The following PRRC2B variants were observed in gnomAD, a reference collection of about 807,000 sequenced individuals.
PRRC2B encodes the protein proline rich coiled-coil 2B.
PRRC2B carries 68 observed loss-of-function variants against 242.3 expected under a neutral mutation model. That is an observed-to-expected ratio of 0.28 (90% confidence interval 0.23 to 0.34). The LOEUF is 0.34. PRRC2B is among the 10% of genes least tolerant of loss of function. The pLI, the probability that PRRC2B is intolerant of heterozygous loss-of-function variation, is 1.00. For synonymous variants in PRRC2B, 1,228 were observed against 1,173.6 expected, an observed-to-expected ratio of 1.05 and a Z score of -0.95; for missense variants, 2,835 against 2,954.8, an observed-to-expected ratio of 0.96 and a Z score of 0.94.
upstream of PRRC2B, among the ~76,000 whole-genome samples, chr9:131,393,869 G>A (rs1836954984): frequency 6.9e-6 from 1 of 145,108 alleles, no homozygotes; most frequent in Non-Finnish European, 1.5e-5. Context: ...CCCACTCCCA[G>A]CCCCCTCCCA....
In PRRC2B at chr9:131,494,154, C is replaced by T. The variant is rs991440031; in HGVS notation, c.6474-251C>T. 1.3e-5 allele frequency among the ~76,000 whole-genome samples: 2 copies of T among 152,274 alleles called. No homozygotes were observed. Among genetic ancestry groups the T allele is most frequent in the Admixed American group, 1.3e-4 (2 of 15,308 alleles). ...ACAGGGCCTCAGCCTCCCTCTCTTGCGGTGCGTCTCCTTGAGCTCTGTCCT... is the reference window on the plus strand; with the variant it reads ...ACAGGGCCTCAGCCTCCCTCTCTTGTGGTGCGTCTCCTTGAGCTCTGTCCT... On this transcript the variant is annotated intron_variant, in intron 30 of 31. Transcript: ENST00000683519. This position sits in a 1 kb window ranked among gnomAD's most constrained non-coding sequence, Gnocchi z 4.3.
rs751272808 is a variant in PRRC2B, at chr9:131,475,813, G to T, written c.3684G>T (p.Gln1228His). The change falls in exon 16 of 32, where the codon CAG becomes CAT. Residue 1228 changes from glutamine (Q) to histidine (H), a missense_variant. By Grantham distance (24) the Gln-to-His change is conservative (BLOSUM62 0). This residue lies in a region of PRRC2B where 1,536 missense variants were observed against 1,483.1 expected (regional missense o/e 1.04). Transcript: ENST00000683519. ...TCTCCAAAGAGTCACCCCACTGGCAGAGCAAAAGTCCAGGCAGCTCTTGGC... is the reference window on the plus strand; with the variant it reads ...TCTCCAAAGAGTCACCCCACTGGCATAGCAAAAGTCCAGGCAGCTCTTGGC... Reference protein sequence around the residue: ...TFVSKESPHWQSKSPGSSWQE... With the variant: ...TFVSKESPHWHSKSPGSSWQE... 6.2e-7 allele frequency: 1 copy of T among 1,612,674 alleles called. No homozygotes were observed. The highest frequency in any genetic ancestry group is 2.2e-5 in the East Asian group (1 of 44,826).
intron 1 of PRRC2B, among the ~76,000 whole-genome samples, chr9:131,427,087 G>A (rs983609115): frequency 1.3e-5 from 2 of 152,178 alleles, no homozygotes; most frequent in Non-Finnish European, 2.9e-5. Flanking sequence ...TTATCCCTCG[G>A]CATCCATCTT....
chr9:131,394,779 G>A (rs1423738019), intron 1 of PRRC2B, among the ~76,000 whole-genome samples: 1 of 151,874 alleles, frequency 6.6e-6, no homozygotes, highest in African/African-American at 2.4e-5. Context: ...GGCCGTTCCT[G>A]GCGCGGGGTG....
intron 5 of PRRC2B, among the ~76,000 whole-genome samples, chr9:131,440,598 C>T (rs142086254): frequency 3.5e-3 from 533 of 152,192 alleles, no homozygotes; most frequent in Non-Finnish European, 4.1e-3. Flanking sequence ...TATACTCGCC[C>T]GTGTGTGAAA....
At chr9:131,457,272 G>C (rs1588262763) in intron 10 of PRRC2B, among the ~76,000 whole-genome samples, 1 of 152,234 alleles carries the variant, frequency 6.6e-6, no homozygotes, top group African/African-American at 2.4e-5. Context: ...CTCAGAAGGA[G>C]CTGTGATCAA....
intron 1 of PRRC2B, among the ~76,000 whole-genome samples, chr9:131,400,788 G>A (rs944001774): frequency 6.6e-6 from 1 of 152,242 alleles, no homozygotes; most frequent in Admixed American, 6.5e-5. Flanking sequence ...TGGGGCTTGA[G>A]GTCTTACTCC....
intron 1 of PRRC2B, among the ~76,000 whole-genome samples, chr9:131,419,151 C>G (rs540943106): frequency 6.6e-6 from 1 of 152,282 alleles, no homozygotes; most frequent in South Asian, 2.1e-4. Context: ...CAGTAAATAG[C>G]TACGTTTATT....
intron 11 of PRRC2B, among the ~76,000 whole-genome samples, chr9:131,463,592 G>A (rs1471607232): frequency 1.1e-4 from 17 of 149,844 alleles, no homozygotes; most frequent in South Asian, 2.1e-4. Flanking sequence ...ACTCAGAAAC[G>A]GATAAAGAAT....
chr9:131,409,793 A>AGT (rs1837459227), intron 1 of PRRC2B, among the ~76,000 whole-genome samples: 1 of 152,244 alleles, frequency 6.6e-6, no homozygotes, highest in Non-Finnish European at 1.5e-5. Flanking sequence ...TTGATGTGTC[A>AGT]GTGGCCCTCA....
In PRRC2B at chr9:131,470,753, C is replaced by G. The variant is rs545207174; in HGVS notation, c.1912-35C>G. 24 of 1,588,618 alleles carry G rather than the reference C, an allele frequency of 1.5e-5. No homozygotes were observed. In the East Asian group the frequency reaches 5.0e-4, roughly 33 times the overall value. On this transcript the variant is annotated intron_variant, in intron 13 of 31. Coordinates refer to ENST00000683519, the MANE Select transcript of PRRC2B (RefSeq NM_013318.4). ...GGTGGCATCTCTGTCCCTGGCCGCA[C>G]CAGCCTGACCAAGTCTCTCTCTCTC...
At chr9:131,376,932 A>C (rs1159107885) in intron 1 of PRRC2B, among the ~76,000 whole-genome samples, 1 of 152,102 alleles carries the variant, frequency 6.6e-6, no homozygotes, top group African/African-American at 2.4e-5. Context: ...GCTTGAGCGC[A>C]GGAGTTTGAG....
intron 31 of PRRC2B, 122 bp from the exon 32 acceptor site, chr9:131,495,618 G>A: frequency 8.8e-7 from 1 of 1,133,376 alleles, no homozygotes; most frequent in Non-Finnish European, 1.2e-6. Context: ...TCAACCAAGG[G>A]ACTGACAACT....
intron 1 of PRRC2B, among the ~76,000 whole-genome samples, chr9:131,376,404 A>C (rs986094302): frequency 6.6e-6 from 1 of 151,930 alleles, no homozygotes; most frequent in Admixed American, 6.6e-5. Flanking sequence ...CATGCTTAGC[A>C]TGGTGCCAGA....
chr9:131,443,622 G>C, intron 5 of PRRC2B, among the ~76,000 whole-genome samples: 1 of 151,926 alleles, frequency 6.6e-6, no homozygotes, highest in East Asian at 1.9e-4. Flanking sequence ...GTAGAGACAG[G>C]GTTTTGCCAT....
chr9:131,393,423 A>G (rs185285783), upstream of PRRC2B, among the ~76,000 whole-genome samples: 22 of 152,312 alleles, frequency 1.4e-4, no homozygotes, highest in African/African-American at 5.1e-4. Context: ...ACAGGAGTGC[A>G]GTCTCCCGGA....
chr9:131,409,379 C>A (rs1837449311), intron 1 of PRRC2B, among the ~76,000 whole-genome samples: 1 of 151,532 alleles, frequency 6.6e-6, no homozygotes, highest in Non-Finnish European at 1.5e-5. Context: ...GGGATTTCAC[C>A]ATGTTGGTTG....
chr9:131,449,409 G>T (rs751861116), intron 9 of PRRC2B, among the ~76,000 whole-genome samples: 1 of 152,034 alleles, frequency 6.6e-6, no homozygotes, highest in Non-Finnish European at 1.5e-5. Flanking sequence ...TCCTAGGTTG[G>T]AGTGCAGTGG....
chr9:131,413,796 C>G (rs187136192), intron 1 of PRRC2B, among the ~76,000 whole-genome samples: 9 of 152,254 alleles, frequency 5.9e-5, no homozygotes, highest in Non-Finnish European at 1.3e-4. Context: ...CTCAGCCTCC[C>G]GAGTACCTGG....
Sources: gnomAD v4.1 joint callset for allele counts (sites outside exome capture counted in the v4.1 genomes callset) on GRCh38, gnomAD v4.1.1 for gene constraint, gnomAD v4.1.1 regional missense constraint, Gnocchi (gnomAD v3.1) non-coding constraint, MANE v1.5 for transcripts, NCBI Gene and HGNC (gene_info 2026-07-23, HGNC 2026-07-21) for gene names.